SCLT1: variants seen among roughly 807,000 people sequenced by gnomAD.
SCLT1 encodes the protein sodium channel-associated protein 1.
Under a neutral mutation model 112.8 loss-of-function variants are expected in SCLT1, and 78 were observed. The observed-to-expected ratio is 0.69, with a 90% CI of 0.58 to 0.83. The LOEUF is 0.83. SCLT1 is among the 40% of genes least tolerant of loss of function. SCLT1 has a pLI of 0.00. For missense variants in SCLT1, 747 were observed against 770.4 expected (o/e 0.97, Z 0.36); for synonymous variants, 257 against 254.7 (o/e 1.01, Z -0.09).
At chr4:128,888,581 GT>G in intron 20 of SCLT1, 97 bp downstream of exon 20, 1 of 626,428 alleles carries the variant, frequency 1.6e-6, no homozygotes. Context: ...TTTAAAATAT[GT>G]TAATCTAGTA....
intron 18 of SCLT1, among the ~76,000 whole-genome samples, chr4:128,925,982 G>A (rs1736266082): frequency 6.6e-6 from 1 of 151,320 alleles, no homozygotes; most frequent in African/African-American, 2.4e-5. Context: ...ACAATGGCTG[G>A]TTTAAAGTTC....
At chr4:128,933,187 T>C (rs1579418641) in intron 18 of SCLT1, among the ~76,000 whole-genome samples, 1 of 152,098 alleles carries the variant, frequency 6.6e-6, no homozygotes, top group South Asian at 2.1e-4. Context: ...ACTAGGGCTA[T>C]TATGGCACAA....
chr4:128,956,569 T>C (rs983446825), intron 13 of SCLT1, among the ~76,000 whole-genome samples: 1 of 152,148 alleles, frequency 6.6e-6, no homozygotes, highest in Non-Finnish European at 1.5e-5. Flanking sequence ...GTAATAGATT[T>C]CTAAGAAATA....
At chr4:129,043,280 T>C (rs1280025514) in intron 4 of SCLT1, 115 bp downstream of exon 4, 1 of 654,886 alleles carries the variant, frequency 1.5e-6, no homozygotes, top group Non-Finnish European at 2.7e-6. Flanking sequence ...ACCAATTGGT[T>C]AGTTACAGCA....
In SCLT1 at chr4:128,948,502, T is replaced by C; in HGVS notation, c.1287A>G (p.Leu429=). 6.2e-7 allele frequency: 1 copy of C among 1,607,340 alleles called. No individual in the cohort carries two copies. Among genetic ancestry groups the C allele is most frequent in the South Asian group, 1.1e-5 (1 of 90,878 alleles). The change falls in exon 15 of 21, where the codon CTA becomes CTG. Residue 429 remains leucine, a synonymous_variant. Coordinates refer to ENST00000281142, the MANE Select transcript of SCLT1 (RefSeq NM_144643.4). ...IKEKKAVEEE[L]EKIYREGRGN... ...ATTTCCTTTTTCTTTTTACCTTTTCTAGTTCTTCTTCCACTGCTTTTTTTT... is the reference window on the plus strand; with the variant it reads ...ATTTCCTTTTTCTTTTTACCTTTTCCAGTTCTTCTTCCACTGCTTTTTTTT...
chr4:129,088,413 T>C (rs1160727266), intron 1 of SCLT1, among the ~76,000 whole-genome samples: 1 of 152,208 alleles, frequency 6.6e-6, no homozygotes, highest in Non-Finnish European at 1.5e-5. Context: ...ACTAGTATCA[T>C]ACCTAATTCT....
At chr4:128,920,922 C>T (rs1490746624) in intron 18 of SCLT1, among the ~76,000 whole-genome samples, 1 of 152,212 alleles carries the variant, frequency 6.6e-6, no homozygotes, top group Non-Finnish European at 1.5e-5. Context: ...CAATTAGTCT[C>T]TGCCCACAAG....
intron 4 of SCLT1, among the ~76,000 whole-genome samples, chr4:129,041,527 T>C (rs1747693285): frequency 1.3e-5 from 2 of 152,198 alleles, no homozygotes; most frequent in African/African-American, 4.8e-5. Flanking sequence ...TAAGGGCTTG[T>C]TAAGCTAGCT....
chr4:129,038,668 G>A (rs1344798089), intron 5 of SCLT1, among the ~76,000 whole-genome samples: 1 of 152,116 alleles, frequency 6.6e-6, no homozygotes, highest in East Asian at 1.9e-4. Context: ...GTGGTAGGCT[G>A]AAAAGTTTTC....
intron 2 of SCLT1, 111 bp downstream of exon 2, chr4:129,082,195 A>G (rs985378463): frequency 6.3e-5 from 29 of 461,292 alleles, no homozygotes; most frequent in Non-Finnish European, 1.1e-4. Context: ...ACTTTCATTA[A>G]GCAAAAACAA....
At chr4:128,987,381 G>A (rs550172434) in intron 9 of SCLT1, among the ~76,000 whole-genome samples, 22 of 152,244 alleles carry the variant, frequency 1.4e-4, no homozygotes, top group Admixed American at 9.8e-4. Context: ...CTAGAGTGAC[G>A]GAGATATGTG....
intron 9 of SCLT1, among the ~76,000 whole-genome samples, chr4:128,981,100 C>T (rs1319433272): frequency 1.3e-5 from 2 of 152,144 alleles, no homozygotes; most frequent in African/African-American, 2.4e-5. Flanking sequence ...TCATAATCCA[C>T]GCCTTCCAGG....
chr4:128,947,283 T>A (rs993948622), intron 15 of SCLT1, among the ~76,000 whole-genome samples: 1 of 152,148 alleles, frequency 6.6e-6, no homozygotes, highest in Admixed American at 6.5e-5. Context: ...AAAACATTCA[T>A]CCCAAACCCT....
At position 128,965,813 on chromosome 4, in the gene SCLT1, T is replaced by G. The variant is rs1458184759; in HGVS notation, c.778-495A>C. On this transcript the variant is annotated intron_variant, in intron 10 of 20. Coordinates refer to ENST00000281142, the MANE Select transcript of SCLT1 (RefSeq NM_144643.4). ...CTTGCTTCATGTGTTAACAAATATT[T>G]TTTATGATGCCATAACTTTTTTTTT... Among the ~76,000 whole-genome samples the G allele has an allele frequency of 1.2e-4, 18 of 151,460 alleles. No individual in the cohort carries two copies. In the Admixed American group the frequency reaches 1.2e-3, roughly 10 times the overall value.
intron 5 of SCLT1, among the ~76,000 whole-genome samples, chr4:129,016,415 T>A (rs1034111725): frequency 6.6e-5 from 10 of 152,156 alleles, no homozygotes; most frequent in African/African-American, 2.2e-4. Flanking sequence ...TGAGAACACG[T>A]GGTGTTTAGT....
chr4:129,026,131 G>C (rs1470039305), intron 5 of SCLT1, among the ~76,000 whole-genome samples: 3 of 152,042 alleles, frequency 2.0e-5, no homozygotes, highest in Non-Finnish European at 2.9e-5. Flanking sequence ...GTCAACATTA[G>C]ACAGATCAAC....
intron 5 of SCLT1, among the ~76,000 whole-genome samples, chr4:129,010,493 A>C (rs555094193): frequency 6.6e-6 from 1 of 152,316 alleles, no homozygotes; most frequent in South Asian, 2.1e-4. Flanking sequence ...TAGATGTATA[A>C]ATTGCTCTGG....
chr4:128,890,884 T>C (rs537602213), intron 19 of SCLT1, among the ~76,000 whole-genome samples, 175 bp downstream of exon 19: 1 of 152,360 alleles, frequency 6.6e-6, no homozygotes, highest in South Asian at 2.1e-4. Flanking sequence ...GATGAATCAC[T>C]GATGTTCAAA....
intron 2 of SCLT1, among the ~76,000 whole-genome samples, chr4:129,056,694 A>C (rs535335269): frequency 2.6e-5 from 4 of 152,298 alleles, no homozygotes; most frequent in African/African-American, 9.6e-5. Context: ...TGTATTCTGC[A>C]ACTTTACTTA....
Sources: allele counts gnomAD v4.1 joint callset (sites outside exome capture counted in the v4.1 genomes callset), GRCh38; gene constraint gnomAD v4.1.1; transcripts MANE v1.5; gene names NCBI Gene and HGNC (gene_info 2026-07-23, HGNC 2026-07-21).